DPH6: variants seen among roughly 807,000 people sequenced by gnomAD.
DPH6 encodes diphthine--ammonia ligase.
Under a neutral mutation model 38.2 loss-of-function variants are expected in DPH6, and 33 were observed. That is an observed-to-expected ratio of 0.86 (90% confidence interval 0.65 to 1.15). DPH6 has a LOEUF of 1.15. DPH6 is among the 50% of genes most tolerant of loss of function. The probability of loss-of-function intolerance (pLI) is 0.00; values close to 1 mark genes in which losing one functional copy is unlikely to be tolerated. For synonymous variants in DPH6, 108 were observed against 103.0 expected, an observed-to-expected ratio of 1.05 and a Z score of -0.30; for missense variants, 325 against 320.0, an observed-to-expected ratio of 1.02 and a Z score of -0.12.
chr15:35,525,402 CA>C (rs1374633316), intron 3 of DPH6, among the ~76,000 whole-genome samples: 1 of 152,074 alleles, frequency 6.6e-6, no homozygotes, highest in Non-Finnish European at 1.5e-5. Flanking sequence ...TTGAGAAATG[CA>C]CAGCATACTC....
chr15:35,326,009 AC>A (rs2052279081), downstream of DPH6, among the ~76,000 whole-genome samples: 1 of 152,170 alleles, frequency 6.6e-6, no homozygotes, highest in Non-Finnish European at 1.5e-5. Context: ...ACCACAATAT[AC>A]CAATCAGAAT....
At chr15:35,290,465 G>C (rs1270183662) in intron 3 of DPH6, among the ~76,000 whole-genome samples, 1 of 152,196 alleles carries the variant, frequency 6.6e-6, no homozygotes, top group African/African-American at 2.4e-5. Flanking sequence ...GGCCATTAAT[G>C]AAAGAACATG....
chr15:35,305,644 A>C lies in DPH6; in HGVS notation n.200+67877T>G, dbSNP rs371109091. Among the ~76,000 whole-genome samples the C allele has an allele frequency of 1.4e-4, 22 of 152,274 alleles. 4 individuals are homozygous for C. The highest frequency in any genetic ancestry group is 7.7e-4 in the East Asian group (4 of 5,188). The stretch of plus-strand genomic sequence containing the variant: ...GGTTATTGTGCTTAGACCATTTAAA[A>C]AGCACGAAAGATCTTTAAGATCTCA... On this transcript the variant is annotated intron_variant and non_coding_transcript_variant, in intron 3 of 3. Transcript: ENST00000560386.
chr15:35,443,142 T>C (rs2053809100), intron 5 of DPH6, among the ~76,000 whole-genome samples: 1 of 152,098 alleles, frequency 6.6e-6, no homozygotes, highest in East Asian at 1.9e-4. Flanking sequence ...GAGGGGAAAT[T>C]CATAAAAGCA....
chr15:35,482,824 G>A (rs544993871), intron 3 of DPH6, among the ~76,000 whole-genome samples: 47 of 151,896 alleles, frequency 3.1e-4, no homozygotes, highest in East Asian at 9.7e-4. Flanking sequence ...AGAAAAAAAC[G>A]GACAAATTAG....
chr15:35,396,227 A>C (rs1202451753), intron 6 of DPH6: 1 of 147,826 alleles, frequency 6.8e-6, no homozygotes, highest in East Asian at 1.9e-4. Context: ...TGTCAGCTTT[A>C]TCAATTTATA....
At chr15:35,290,333 T>G (rs1381694581) in intron 3 of DPH6, among the ~76,000 whole-genome samples, 1 of 152,202 alleles carries the variant, frequency 6.6e-6, no homozygotes, top group Non-Finnish European at 1.5e-5. Context: ...GAACATCATT[T>G]CTGCAAAGGC....
chr15:35,345,667 G>T (rs2052456045), intron 3 of DPH6, among the ~76,000 whole-genome samples: 2 of 151,860 alleles, frequency 1.3e-5, no homozygotes, highest in Admixed American at 1.3e-4. Context: ...CTATGTTCAT[G>T]AATGAGACTG....
At chr15:35,278,205 G>T (rs1428454789) in intron 3 of DPH6, among the ~76,000 whole-genome samples, 1 of 152,196 alleles carries the variant, frequency 6.6e-6, no homozygotes, top group Admixed American at 6.5e-5. Context: ...GGACACTGCT[G>T]CCCTGCTCAG....
chr15:35,280,292 T>C (rs1049134035), intron 3 of DPH6, among the ~76,000 whole-genome samples: 2 of 152,210 alleles, frequency 1.3e-5, no homozygotes, highest in Non-Finnish European at 2.9e-5. Context: ...CAATAATACA[T>C]TTCCTACTGT....
chr15:35,338,309 T>C (rs2052390545), intron 3 of DPH6, among the ~76,000 whole-genome samples: 1 of 151,902 alleles, frequency 6.6e-6, no homozygotes, highest in South Asian at 2.1e-4. Context: ...ATCTAGAATC[T>C]ACAATGAACT....
chr15:35,283,545 T>C (rs1248532700), intron 3 of DPH6, among the ~76,000 whole-genome samples: 1 of 152,062 alleles, frequency 6.6e-6, no homozygotes, highest in African/African-American at 2.4e-5. Context: ...ATCCGCCGCT[T>C]TGGCCTCCCA....
At chr15:35,388,882 A>T (rs1226479462) in intron 6 of DPH6, among the ~76,000 whole-genome samples, 3 of 152,062 alleles carry the variant, frequency 2.0e-5, no homozygotes, top group African/African-American at 7.2e-5. Context: ...GCCTTCTGCT[A>T]GCTTTTGAAT....
At chr15:35,345,859 G>A (rs1467688980) in intron 3 of DPH6, among the ~76,000 whole-genome samples, 1 of 151,936 alleles carries the variant, frequency 6.6e-6, no homozygotes, top group Admixed American at 6.6e-5. Context: ...AGATATATAT[G>A]TAATGAAATA....
chr15:35,285,836 G>A (rs1316199687), intron 3 of DPH6, among the ~76,000 whole-genome samples: 2 of 103,776 alleles, frequency 1.9e-5, no homozygotes, highest in Admixed American at 1.2e-4. Context: ...TTCCTGATGA[G>A]ATTCTGGACT....
rs114933169 is a variant in DPH6 at position 35,432,923 on chromosome 15, G to A, written c.505+17762C>T. On this transcript the variant is annotated intron_variant, in intron 5 of 8. Transcript: ENST00000256538. ...CAGGTACTGAGCTCACTATCTGGGC[G>A]TAAATGACTAATGACTAAATCATTT... 3.7e-3 allele frequency among the ~76,000 whole-genome samples: 561 copies of A among 152,236 alleles called. 5 individuals are homozygous for A. Among genetic ancestry groups the A allele is most frequent in the African/African-American group, 0.013 (529 of 41,534 alleles).
chr15:35,475,425 TA>T (rs1434223988), intron 3 of DPH6, among the ~76,000 whole-genome samples: 11 of 152,034 alleles, frequency 7.2e-5, no homozygotes, highest in Non-Finnish European at 1.5e-5. Context: ...ATTGAGAACC[TA>T]ATCAGAGCCA....
At chr15:35,445,543 T>C (rs748273194) in intron 5 of DPH6, among the ~76,000 whole-genome samples, 1 of 152,120 alleles carries the variant, frequency 6.6e-6, no homozygotes, top group Admixed American at 6.5e-5. Context: ...AAACTCAACA[T>C]ATGAACCATG....
intron 5 of DPH6, among the ~76,000 whole-genome samples, chr15:35,413,833 A>C (rs570920204): frequency 1.3e-5 from 2 of 150,960 alleles, no homozygotes; most frequent in Admixed American, 6.6e-5. Flanking sequence ...TTTTTCTTTT[A>C]TTTTTTTCTG....
Sources: allele counts gnomAD v4.1 joint callset (sites outside exome capture counted in the v4.1 genomes callset), GRCh38; gene constraint gnomAD v4.1.1; transcripts MANE v1.5; gene names NCBI Gene and HGNC (gene_info 2026-07-23, HGNC 2026-07-21).